Variants in ZKSCAN7 observed in about 807,000 individuals in gnomAD.
ZKSCAN7 encodes the protein zinc finger with KRAB and SCAN domains 7, also known as zinc finger protein with KRAB and SCAN domains 7.
Under a neutral mutation model 65.3 loss-of-function variants are expected in ZKSCAN7, and 38 were observed. The observed-to-expected ratio is 0.58, with a 90% CI of 0.45 to 0.76. The LOEUF is 0.76. Among genes scored for constraint, ZKSCAN7 ranks in the 30% least tolerant of loss-of-function variants. The pLI is 0.00. For synonymous variants in ZKSCAN7, 321 were observed against 321.0 expected (o/e 1.00, Z 0.00); for missense variants, 815 against 913.3 (o/e 0.89, Z 1.39).
chr3:44,560,577 A>G (rs1411578043), intron 2 of ZKSCAN7, among the ~76,000 whole-genome samples: 2 of 144,740 alleles, frequency 1.4e-5, no homozygotes, highest in East Asian at 2.0e-4. Context: ...CAGTGACACA[A>G]TCTCAGCTCA....
rs750406765 is a variant in ZKSCAN7, at chr3:44,570,599, T to G, written c.1489T>G (p.Cys497Gly). ...CCATACTGGGGAGAAACCTTATGAATGCAATGAGTGTGGAGAGGCATTCAT... is the reference window on the plus strand; with the variant it reads ...CCATACTGGGGAGAAACCTTATGAAGGCAATGAGTGTGGAGAGGCATTCAT... ...RTHTGEKPYE[C>G]NECGEAFIRS... is the part of the protein sequence containing the mutation. Residue 497 changes from cysteine (C) to glycine (G), a missense_variant, in exon 6 of 6, where the codon TGC (cysteine) becomes GGC (glycine). Physicochemically the swap from Cys to Gly is radical, Grantham distance 159 (BLOSUM62 -3). Transcript: ENST00000426540. 9 of 1,613,930 alleles carry G rather than the reference T, an allele frequency of 5.6e-6. No individual in the cohort carries two copies. The highest frequency in any genetic ancestry group is 2.2e-5 in the South Asian group (2 of 91,080).
downstream of ZKSCAN7, among the ~76,000 whole-genome samples, chr3:44,572,849 CAA>C (rs11339297): frequency 0.013 from 935 of 72,408 alleles, 27 homozygotes; most frequent in Admixed American, 0.077. Context: ...GACTCTGTCT[CAA>C]AAAAAAAAAA....
intron 2 of ZKSCAN7, among the ~76,000 whole-genome samples, chr3:44,558,782 A>ATTTTTTTTTTTTTT (rs35709621): frequency 1.1e-5 from 1 of 92,710 alleles, no homozygotes; most frequent in Non-Finnish European, 2.0e-5. Flanking sequence ...TTTCTTCTTC[A>ATTTTTTTTTTTTTT]TTTTTTTTTT....
chr3:44,571,789 G>A lies in ZKSCAN7; in HGVS notation c.*414G>A. ...CATGCCTTCCTGCCTCTTGGCTATG[G>A]CCCTCCCCATCTACTCTTTAAACTT... On this transcript the variant is annotated 3_prime_UTR_variant, in exon 6 of 6. Coordinates refer to ENST00000426540, the MANE Select transcript of ZKSCAN7 (RefSeq NM_001288590.2). 9.9e-7 allele frequency: 1 copy of A among 1,009,970 alleles called. No homozygotes were observed. The highest frequency in any genetic ancestry group is 1.2e-6 in the Non-Finnish European group (1 of 844,490). 62.6% of individuals were successfully genotyped at this position (1,009,970 alleles called of 1,614,324 possible).
chr3:44,562,486 T>G (rs1435156482), intron 2 of ZKSCAN7, among the ~76,000 whole-genome samples: 1 of 152,246 alleles, frequency 6.6e-6, no homozygotes, highest in Non-Finnish European at 1.5e-5. Flanking sequence ...TTATTCAAAT[T>G]TCTGCAGCAG....
At chr3:44,579,257 C>T (rs899610937) in intron 5 of ZKSCAN7, among the ~76,000 whole-genome samples, 9 of 152,358 alleles carry the variant, frequency 5.9e-5, no homozygotes, top group East Asian at 1.9e-4. Context: ...GAAGTGCTTG[C>T]GGCGCTCCTC....
intron 2 of ZKSCAN7, among the ~76,000 whole-genome samples, chr3:44,561,979 C>T (rs1050620054): frequency 6.6e-6 from 1 of 152,246 alleles, no homozygotes; most frequent in Non-Finnish European, 1.5e-5. Flanking sequence ...GCCCTCTTCT[C>T]ACAGCTCCAC....
intron 2 of ZKSCAN7, among the ~76,000 whole-genome samples, chr3:44,557,813 A>G (rs1037974771): frequency 6.6e-6 from 1 of 152,146 alleles, no homozygotes; most frequent in African/African-American, 2.4e-5. Flanking sequence ...ACGAGCCTTC[A>G]TTTGAGACAT....
rs1436220511 is a variant in ZKSCAN7 at position 44,571,227 on chromosome 3, T to C, written c.2117T>C (p.Leu706Pro). Residue 706 changes from leucine to proline, a missense_variant, in exon 6 of 6, where the codon CTT becomes CCT. Leu to Pro is a moderately conservative substitution (Grantham distance 98, BLOSUM62 -3). Coordinates refer to ENST00000426540, the MANE Select transcript of ZKSCAN7 (RefSeq NM_001288590.2). ...CGKAFSDSSQ[L>P]IVHQRVHTGE... ...AAAGCTTTTAGTGACAGCTCACAGC[T>C]TATTGTACACCAGAGAGTCCACACC... 1 of 1,614,160 alleles carries C rather than the reference T, an allele frequency of 6.2e-7. No individual in the cohort carries two copies. Among genetic ancestry groups the C allele is most frequent in the Admixed American group, 1.7e-5 (1 of 60,014 alleles).
intron 5 of ZKSCAN7, 172 bp downstream of exon 5, chr3:44,568,605 A>AT (rs753305518): frequency 8.4e-6 from 8 of 949,412 alleles, no homozygotes; most frequent in Non-Finnish European, 1.2e-5. Flanking sequence ...AGTGATCAGC[A>AT]TACTCTTCAC....
chr3:44,579,348 C>T (rs1279367074), intron 5 of ZKSCAN7, among the ~76,000 whole-genome samples: 1 of 152,220 alleles, frequency 6.6e-6, no homozygotes, highest in African/African-American at 2.4e-5. Flanking sequence ...GCAGGCCCCA[C>T]ACCGCCCACC....
intron 2 of ZKSCAN7, among the ~76,000 whole-genome samples, chr3:44,563,617 A>G (rs1699545818): frequency 6.6e-6 from 1 of 150,858 alleles, no homozygotes; most frequent in South Asian, 2.1e-4. Flanking sequence ...AGAACTCACT[A>G]TTACAAGAAC....
intron 5 of ZKSCAN7, 130 bp downstream of exon 5, chr3:44,568,563 G>T (rs763910932): frequency 3.0e-6 from 4 of 1,313,232 alleles, no homozygotes; most frequent in Non-Finnish European, 3.1e-6. Context: ...ATAATATAGG[G>T]ACCCTTTCTG....
At chr3:44,558,882 GATCC>G (rs1273223471) in intron 2 of ZKSCAN7, among the ~76,000 whole-genome samples, 2 of 144,068 alleles carry the variant, frequency 1.4e-5, no homozygotes, top group Non-Finnish European at 3.0e-5. Flanking sequence ...TGGCTCAAGT[GATCC>G]TCCCACCTTA....
Position 44,577,793 on chromosome 3 carries a change from G to A in ZKSCAN7, c.812-5179G>A, listed in dbSNP as rs374141045. 1.3e-4 allele frequency among the ~76,000 whole-genome samples: 20 copies of A among 152,288 alleles called. No individual in the cohort carries two copies. In the East Asian group the frequency reaches 1.9e-3, roughly 15 times the overall value. ...TGGACAACCCAGAAGCCAGCCTCACGCATTCCATGCCCACAGTTAACGATG... is the reference window on the plus strand; with the variant it reads ...TGGACAACCCAGAAGCCAGCCTCACACATTCCATGCCCACAGTTAACGATG... On this transcript the variant is annotated intron_variant, in intron 5 of 5. Transcript: ENST00000341840.
At chr3:44,566,007 G>A (rs567129011) in intron 3 of ZKSCAN7, among the ~76,000 whole-genome samples, 3 of 152,316 alleles carry the variant, frequency 2.0e-5, no homozygotes, top group African/African-American at 7.2e-5. Context: ...CTATCCTCAA[G>A]CATTTGATCC....
At chr3:44,557,562 C>A in intron 2 of ZKSCAN7, 92 bp downstream of exon 2, 1 of 1,563,186 alleles carries the variant, frequency 6.4e-7, no homozygotes, top group South Asian at 1.2e-5. Context: ...AGGCCCTAGG[C>A]CAGTTTGCCT....
At chr3:44,563,978 A>C (rs1003807513) in intron 2 of ZKSCAN7, among the ~76,000 whole-genome samples, 1 of 152,188 alleles carries the variant, frequency 6.6e-6, no homozygotes, top group African/African-American at 2.4e-5. Flanking sequence ...CACTGGTGAG[A>C]TATATATTAA....
At chr3:44,567,098 C>T (rs1256564413) in intron 3 of ZKSCAN7, among the ~76,000 whole-genome samples, 1 of 148,804 alleles carries the variant, frequency 6.7e-6, no homozygotes, top group African/African-American at 2.5e-5. Flanking sequence ...CAGAGTGAGA[C>T]TCTGTCTCAA....
Sources: gnomAD v4.1 joint callset for allele counts (sites outside exome capture counted in the v4.1 genomes callset) on GRCh38, gnomAD v4.1.1 for gene constraint, MANE v1.5 for transcripts, NCBI Gene and HGNC (gene_info 2026-07-23, HGNC 2026-07-21) for gene names.